ADCK1: variants seen among roughly 807,000 people sequenced by gnomAD.
ADCK1 encodes aarF domain containing kinase 1.
ADCK1 carries 41 observed loss-of-function variants against 52.3 expected under a neutral mutation model. That is an observed-to-expected ratio of 0.78 (90% confidence interval 0.61 to 1.02). The LOEUF (loss-of-function observed/expected upper bound fraction) is 1.02, where lower values mean the gene tolerates loss of function less well. Among genes scored for constraint, ADCK1 ranks in the 50% least tolerant of loss-of-function variants. The pLI, the probability that ADCK1 is intolerant of heterozygous loss-of-function variation, is 0.00. For missense variants in ADCK1, 658 were observed against 679.5 expected (o/e 0.97, Z 0.35); for synonymous variants, 250 against 274.6 (o/e 0.91, Z 0.89).
intron 7 of ADCK1, among the ~76,000 whole-genome samples, chr14:77,913,094 A>G (rs1566730018): frequency 6.6e-6 from 1 of 152,202 alleles, no homozygotes; most frequent in South Asian, 2.1e-4. Flanking sequence ...CTATAGGGGA[A>G]AAAAAGGAAT....
At chr14:77,858,366 A>C (rs555284163) in intron 3 of ADCK1, among the ~76,000 whole-genome samples, 5 of 152,012 alleles carry the variant, frequency 3.3e-5, no homozygotes, top group African/African-American at 1.2e-4. Context: ...CCTCCCAAGT[A>C]GCTGGGATTA....
At chr14:77,914,648 C>T in intron 7 of ADCK1, 1 of 951,018 alleles carries the variant, frequency 1.1e-6, no homozygotes, top group Non-Finnish European at 1.3e-6. Flanking sequence ...TGGCTGGTGC[C>T]CTTGGGTAAG....
intron 9 of ADCK1, among the ~76,000 whole-genome samples, chr14:77,926,828 G>A (rs539777018): frequency 3.3e-5 from 5 of 152,288 alleles, no homozygotes; most frequent in Admixed American, 6.5e-5. Context: ...CTGCTTGCAC[G>A]ACAGAAGCTT....
chr14:77,911,052 G>T (rs958247129), intron 7 of ADCK1, among the ~76,000 whole-genome samples: 38 of 152,086 alleles, frequency 2.5e-4, no homozygotes, highest in Non-Finnish European at 5.9e-5. Context: ...AGTTATTTGG[G>T]GAAAAACAAT....
At chr14:77,898,982 G>A in intron 5 of ADCK1, 118 bp from the exon 6 acceptor site, 1 of 1,361,990 alleles carries the variant, frequency 7.3e-7, no homozygotes. Context: ...ATTCAGAGGA[G>A]GGATGGGCCC....
At chr14:77,902,211 C>T (rs140811472) in intron 6 of ADCK1, among the ~76,000 whole-genome samples, 2 of 152,308 alleles carry the variant, frequency 1.3e-5, no homozygotes, top group Non-Finnish European at 1.5e-5. Flanking sequence ...GAGGAAGAAC[C>T]GCAGCTGTGT....
chr14:77,928,131 T>C (rs1259277080), intron 9 of ADCK1, among the ~76,000 whole-genome samples: 3 of 151,808 alleles, frequency 2.0e-5, no homozygotes, highest in African/African-American at 7.3e-5. Context: ...TTCTGTAGGA[T>C]TGGATGTGGA....
intron 1 of ADCK1, among the ~76,000 whole-genome samples, chr14:77,816,916 G>A (rs2081467110): frequency 1.2e-5 from 1 of 86,250 alleles, no homozygotes; most frequent in Non-Finnish European, 3.0e-5. Flanking sequence ...AAAAAATGTG[G>A]CTATATTATA....
intron 4 of ADCK1, among the ~76,000 whole-genome samples, chr14:77,882,465 G>A (rs982334168): frequency 6.6e-6 from 1 of 152,368 alleles, no homozygotes; most frequent in South Asian, 2.1e-4. Flanking sequence ...TATTGATACG[G>A]TGATGTAGTT....
chr14:77,810,510 A>G (rs1401255279), intron 1 of ADCK1, among the ~76,000 whole-genome samples: 1 of 151,644 alleles, frequency 6.6e-6, no homozygotes, highest in African/African-American at 2.4e-5. Context: ...TGACTTACTC[A>G]AGGTGTTCAG....
At chr14:77,901,311 A>G (rs2083537850) in intron 6 of ADCK1, among the ~76,000 whole-genome samples, 1 of 151,018 alleles carries the variant, frequency 6.6e-6, no homozygotes. Context: ...TGGCCTCCCA[A>G]AGTGCTGAGA....
intron 3 of ADCK1, among the ~76,000 whole-genome samples, chr14:77,853,369 C>G (rs940927054): frequency 1.3e-5 from 2 of 151,942 alleles, no homozygotes; most frequent in Non-Finnish European, 2.9e-5. Flanking sequence ...ATCTGCCTGT[C>G]TCAGCCTCCC....
At chr14:77,847,415 CA>C (rs1250081105) in intron 3 of ADCK1, among the ~76,000 whole-genome samples, 3 of 152,086 alleles carry the variant, frequency 2.0e-5, no homozygotes, top group African/African-American at 7.2e-5. Flanking sequence ...TACTAAAATA[CA>C]AAAATTAGCT....
At chr14:77,837,153 C>CTTTT (rs148898631) in intron 3 of ADCK1, among the ~76,000 whole-genome samples, 2 of 140,994 alleles carry the variant, frequency 1.4e-5, no homozygotes, top group South Asian at 2.3e-4. Flanking sequence ...CTTAAAAATT[C>CTTTT]TTTTTTTTTT....
At chr14:77,851,232 C>T (rs1438768379) in intron 3 of ADCK1, among the ~76,000 whole-genome samples, 12 of 151,914 alleles carry the variant, frequency 7.9e-5, no homozygotes, top group African/African-American at 2.9e-4. Context: ...ATTCTTCTGC[C>T]TCAGCTTCCC....
rs150721852 is a variant in ADCK1 at position 77,868,049 on chromosome 14, T to C, written c.423+8770T>C. Among the ~76,000 whole-genome samples, 1,079 of 152,336 alleles carry C rather than the reference T, an allele frequency of 7.1e-3. 15 individuals are homozygous for C. Among genetic ancestry groups the C allele is most frequent in the African/African-American group, 0.025 (1,032 of 41,580 alleles). On this transcript the variant is annotated intron_variant, in intron 4 of 10. Coordinates refer to ENST00000238561, the MANE Select transcript of ADCK1 (RefSeq NM_020421.4). Reference sequence around the variant, plus strand: ...ATCTTGTATCCAGCACCTTGCCTGGTGCCTCGATCTTCCTGAGGTTTAACA... The same window carrying C: ...ATCTTGTATCCAGCACCTTGCCTGGCGCCTCGATCTTCCTGAGGTTTAACA...
At chr14:77,856,323 G>A (rs1475137317) in intron 3 of ADCK1, among the ~76,000 whole-genome samples, 1 of 152,208 alleles carries the variant, frequency 6.6e-6, no homozygotes, top group African/African-American at 2.4e-5. Context: ...TAGGGCTTAA[G>A]TTTCTGACTA....
rs373019674 is a variant in ADCK1, at chr14:77,907,950, G to A, written c.858+31G>A. 62 of 1,592,892 alleles carry A rather than the reference G, an allele frequency of 3.9e-5. No individual in the cohort carries two copies. In the Admixed American group the frequency reaches 5.7e-4, roughly 15 times the overall value. The stretch of plus-strand genomic sequence containing the variant: ...GTCAAGAGCTCAGGGCTGCTGTGCC[G>A]GGGAACGTGGGCTTGGTCAAGGCTG... On this transcript the variant is annotated intron_variant, in intron 7 of 10. Transcript: ENST00000238561.
chr14:77,909,425 G>A (rs191951460), intron 7 of ADCK1, among the ~76,000 whole-genome samples: 65 of 152,280 alleles, frequency 4.3e-4, no homozygotes, highest in African/African-American at 1.4e-3. Context: ...GTGAGCCACC[G>A]CGCCTGGCTG....
Sources: allele counts gnomAD v4.1 joint callset (sites outside exome capture counted in the v4.1 genomes callset), GRCh38; gene constraint gnomAD v4.1.1; transcripts MANE v1.5; gene names NCBI Gene and HGNC (gene_info 2026-07-23, HGNC 2026-07-21).